The following XKR6 variants were observed in gnomAD, a reference collection of about 807,000 sequenced individuals.
The protein encoded by XKR6 is XK-related protein 6.
Under a neutral mutation model 56.7 loss-of-function variants are expected in XKR6, and 22 were observed. The observed-to-expected ratio is 0.39, with a 90% confidence interval of 0.28 to 0.55. The LOEUF (loss-of-function observed/expected upper bound fraction) is 0.55. Ranked by LOEUF, XKR6 falls within the 20% of genes least tolerant of loss-of-function variation. The pLI, the probability that XKR6 is intolerant of heterozygous loss-of-function variation, is 0.66. For synonymous variants in XKR6, 524 were observed against 387.8 expected (o/e 1.35, Z -4.13); for missense variants, 852 against 889.0 (o/e 0.96, Z 0.53).
rs148864936 is a variant in XKR6 at position 11,018,950 on chromosome 8, G to C, written c.765-94120C>G. Among the ~76,000 whole-genome samples, 450 of 152,256 alleles carry C rather than the reference G, an allele frequency of 3.0e-3. 4 individuals carry two copies. The highest frequency in any genetic ancestry group is 0.01 in the African/African-American group (432 of 41,546). Reference sequence around the variant, plus strand: ...TCTCCTGCCACCATGCTCATCTGGAGATGACCCTCTGCCTGGGCCACCCTA... The same window carrying C: ...TCTCCTGCCACCATGCTCATCTGGACATGACCCTCTGCCTGGGCCACCCTA... On this transcript the variant is annotated intron_variant, in intron 1 of 2. Coordinates refer to ENST00000416569, the MANE Select transcript of XKR6 (RefSeq NM_173683.4).
At chr8:11,109,872 C>G (rs1339979352) in intron 1 of XKR6, 1 of 152,160 alleles carries the variant, frequency 6.6e-6, no homozygotes, top group Non-Finnish European at 1.5e-5. Flanking sequence ...ATAAAAGTTT[C>G]TAAAAGCCTG....
chr8:11,124,329 C>G (rs967384087), intron 1 of XKR6: 1 of 309,600 alleles, frequency 3.2e-6, no homozygotes, highest in African/African-American at 2.2e-5. Flanking sequence ...CTCTTGAGAT[C>G]ATCAATAACC....
At chr8:11,015,236 A>G (rs1053147608) in intron 1 of XKR6, among the ~76,000 whole-genome samples, 1 of 151,504 alleles carries the variant, frequency 6.6e-6, no homozygotes, top group Non-Finnish European at 1.5e-5. Flanking sequence ...TTTTAGTTCC[A>G]ATTTCAACTT....
intron 1 of XKR6, among the ~76,000 whole-genome samples, chr8:11,090,228 G>A (rs1397675340): frequency 6.6e-6 from 1 of 152,158 alleles, no homozygotes; most frequent in East Asian, 1.9e-4. Context: ...GAGACTAGAG[G>A]TGTGCACCAA....
intron 1 of XKR6, among the ~76,000 whole-genome samples, chr8:11,078,079 G>A (rs1333747695): frequency 6.6e-6 from 1 of 152,146 alleles, no homozygotes; most frequent in Non-Finnish European, 1.5e-5. Flanking sequence ...AAGCCCTCTG[G>A]GAAAACATAC....
At chr8:11,051,377 C>T (rs181555749) in intron 1 of XKR6, among the ~76,000 whole-genome samples, 2 of 152,088 alleles carry the variant, frequency 1.3e-5, no homozygotes, top group Non-Finnish European at 2.9e-5. Context: ...ATACTGATGA[C>T]TCCCAAAGTG....
chr8:10,915,395 G>A (rs1011530163), intron 2 of XKR6, among the ~76,000 whole-genome samples: 1 of 152,174 alleles, frequency 6.6e-6, no homozygotes, highest in Non-Finnish European at 1.5e-5. Context: ...GGAAGCCTGC[G>A]CTCATGTCTC....
At chr8:11,182,779 G>A (rs996151845) in intron 1 of XKR6, among the ~76,000 whole-genome samples, 3 of 152,136 alleles carry the variant, frequency 2.0e-5, no homozygotes, top group South Asian at 2.1e-4. Context: ...CAGTTCAGTG[G>A]CATTAAATAC....
intron 1 of XKR6, among the ~76,000 whole-genome samples, chr8:11,059,375 C>T (rs1159914626): frequency 6.6e-6 from 1 of 152,350 alleles, no homozygotes; most frequent in South Asian, 2.1e-4. Flanking sequence ...CCTCTCCAGC[C>T]CCCAGCGAAC....
In XKR6 at chr8:10,991,246, G is replaced by C. The variant is rs574818127; in HGVS notation, c.765-66416C>G. 1.5e-3 allele frequency among the ~76,000 whole-genome samples: 233 copies of C among 152,186 alleles called. 1 individual carries two copies. The highest frequency in any genetic ancestry group is 4.9e-3 in the African/African-American group (202 of 41,516). ...TCACATCCGCAGTAGGTGAGAGTAG[G>C]GGGGAAATGCTGGTCATGGTGCAGA... On this transcript the variant is annotated intron_variant, in intron 1 of 2. Transcript: ENST00000416569.
At chr8:11,156,148 A>G (rs530744341) in intron 1 of XKR6, among the ~76,000 whole-genome samples, 1 of 152,268 alleles carries the variant, frequency 6.6e-6, no homozygotes, top group Admixed American at 6.5e-5. Flanking sequence ...TTTTACATCC[A>G]GTCCCTTCCC....
At chr8:11,171,583 T>A (rs1802370683) in intron 1 of XKR6, among the ~76,000 whole-genome samples, 1 of 152,186 alleles carries the variant, frequency 6.6e-6, no homozygotes. Flanking sequence ...AGCCTAGCCC[T>A]TCTGGCTCTC....
rs539278768 is a variant in XKR6 at position 11,014,456 on chromosome 8, T to C, written c.765-89626A>G. On this transcript the variant is annotated intron_variant, in intron 1 of 2. Transcript: ENST00000416569. Reference sequence around the variant, plus strand: ...CCTGCGGGCTCCCCAAGGACACTAATTACACAACAGGCCCTGCAAACACTT... The same window carrying C: ...CCTGCGGGCTCCCCAAGGACACTAACTACACAACAGGCCCTGCAAACACTT... Among the ~76,000 whole-genome samples, 28 of 152,278 alleles carry C rather than the reference T, an allele frequency of 1.8e-4. No homozygotes were observed. The South Asian group carries it at 5.4e-3, about 29-fold the overall frequency.
Position 11,009,515 on chromosome 8 carries a change from A to G in XKR6, c.765-84685T>C, listed in dbSNP as rs1322907150. Among the ~76,000 whole-genome samples the G allele has an allele frequency of 7.2e-5, 11 of 152,216 alleles. No homozygotes were observed. The South Asian group carries it at 1.9e-3, about 26-fold the overall frequency. On this transcript the variant is annotated intron_variant, in intron 1 of 2. Coordinates refer to ENST00000416569, the MANE Select transcript of XKR6 (RefSeq NM_173683.4). ...AGAGAGTGAGATCCTGTCTCAAAAA[A>G]AGGCAAAACACAACCAAAAAATAGT... is the stretch of plus-strand genomic sequence containing the variant.
At chr8:11,170,890 C>T (rs182731498) in intron 1 of XKR6, among the ~76,000 whole-genome samples, 2 of 152,296 alleles carry the variant, frequency 1.3e-5, no homozygotes, top group East Asian at 1.9e-4. Context: ...AAATAATTTA[C>T]AGAGGAACTA....
At chr8:11,039,019 G>A (rs1158547698) in intron 1 of XKR6, among the ~76,000 whole-genome samples, 1 of 152,146 alleles carries the variant, frequency 6.6e-6, no homozygotes, top group Non-Finnish European at 1.5e-5. Context: ...TGGGCACTGA[G>A]ACCCTGCCAC....
At chr8:10,967,717 A>G (rs986776209) in intron 1 of XKR6, among the ~76,000 whole-genome samples, 3 of 152,216 alleles carry the variant, frequency 2.0e-5, no homozygotes, top group African/African-American at 7.2e-5. Context: ...CTCTGCATTC[A>G]GCAGCAAGAA....
At chr8:11,115,792 C>CA (rs1326490244) in intron 1 of XKR6, among the ~76,000 whole-genome samples, 2 of 152,064 alleles carry the variant, frequency 1.3e-5, no homozygotes, top group Admixed American at 6.6e-5. Context: ...TGATTTTTCA[C>CA]AAAAAAATCT....
chr8:10,938,171 CGT>C lies in XKR6; in HGVS notation c.765-13343_765-13342del, dbSNP rs1409918709. The stretch of plus-strand genomic sequence containing the variant: ...TGGGAGTGACCCGATTTTGCAGGTG[CGT>C]CTGTCACCCCTTTCTTTGACTCGGA... On this transcript the variant is annotated intron_variant, in intron 1 of 2. Coordinates refer to ENST00000416569, the MANE Select transcript of XKR6 (RefSeq NM_173683.4). Among the ~76,000 whole-genome samples the C allele has an allele frequency of 2.0e-5, 3 of 152,174 alleles. No individual in the cohort carries two copies. The East Asian group carries it at 5.8e-4, about 29-fold the overall frequency.
Sources: allele counts gnomAD v4.1 joint callset (sites outside exome capture counted in the v4.1 genomes callset), GRCh38; gene constraint gnomAD v4.1.1; transcripts MANE v1.5; gene names NCBI Gene and HGNC (gene_info 2026-07-23, HGNC 2026-07-21).